TMC1: variants seen among roughly 807,000 people sequenced by gnomAD.
TMC1 encodes transmembrane channel-like protein 1.
A neutral mutation model predicts 105.8 loss-of-function variants in TMC1; 84 were observed. The ratio of observed to expected loss-of-function variants is 0.79; its 90% confidence interval spans 0.67 to 0.95. The LOEUF (loss-of-function observed/expected upper bound fraction) is 0.95, where lower values mean the gene tolerates loss of function less well. Among genes scored for constraint, TMC1 ranks in the 40% least tolerant of loss-of-function variants. The probability of loss-of-function intolerance (pLI) is 0.00; values close to 1 mark genes in which losing one functional copy is unlikely to be tolerated. For synonymous variants in TMC1, 315 were observed against 311.5 expected, an observed-to-expected ratio of 1.01 and a Z score of -0.12; for missense variants, 817 against 914.1, an observed-to-expected ratio of 0.89 and a Z score of 1.37.
intron 4 of TMC1, among the ~76,000 whole-genome samples, chr9:72,631,672 G>T (rs1468554854): frequency 7.2e-5 from 11 of 152,232 alleles, no homozygotes; most frequent in Non-Finnish European, 7.3e-5. Context: ...TACAAAGCAA[G>T]TTGAGGGGGG....
At chr9:72,651,675 A>T (rs1825816728) in intron 5 of TMC1, 1 of 152,234 alleles carries the variant, frequency 6.6e-6, no homozygotes, top group Admixed American at 6.5e-5. Flanking sequence ...GAATGTGGGA[A>T]GATGAGGGAT....
At chr9:72,701,161 G>A (rs1826638972) in intron 8 of TMC1, among the ~76,000 whole-genome samples, 1 of 152,090 alleles carries the variant, frequency 6.6e-6, no homozygotes, top group Non-Finnish European at 1.5e-5. Context: ...AACTTTTCAT[G>A]TGACAGCTTA....
chr9:72,596,124 C>T (rs932197348), intron 2 of TMC1, among the ~76,000 whole-genome samples: 1 of 152,174 alleles, frequency 6.6e-6, no homozygotes, highest in African/African-American at 2.4e-5. Flanking sequence ...ATTTGCCCGC[C>T]TCAGCCTCCC....
At position 72,700,674 on chromosome 9, in the gene TMC1, C is replaced by G. The variant is rs200731851; in HGVS notation, c.362+31C>G. On this transcript the variant is annotated intron_variant, in intron 8 of 23. Transcript: ENST00000297784. ...GTGCCACTTTTTATAAGTAGAAACA[C>G]TTTCCCTGATATTGATTTTCTAAAT... 3.0e-4 allele frequency: 452 copies of G among 1,510,422 alleles called. 2 individuals are homozygous for G. The highest frequency in any genetic ancestry group is 5.6e-4 in the Middle Eastern group (3 of 5,386). The allele number at this position is 1,510,422 out of a possible 1,614,324, so 93.6% of individuals were successfully genotyped here.
intron 10 of TMC1, among the ~76,000 whole-genome samples, chr9:72,749,639 A>G (rs2118048498): frequency 6.6e-6 from 1 of 151,996 alleles, no homozygotes; most frequent in East Asian, 1.9e-4. Context: ...ACCTTATAGA[A>G]CTCTGCACCC....
At chr9:72,705,455 C>T (rs919528702) in intron 8 of TMC1, among the ~76,000 whole-genome samples, 1 of 152,018 alleles carries the variant, frequency 6.6e-6, no homozygotes, top group Non-Finnish European at 1.5e-5. Flanking sequence ...TGCTATCCTC[C>T]AAAGTCAAGC....
At chr9:72,774,419 G>A (rs896310973) in intron 13 of TMC1, among the ~76,000 whole-genome samples, 1 of 152,074 alleles carries the variant, frequency 6.6e-6, no homozygotes, top group Non-Finnish European at 1.5e-5. Flanking sequence ...CTTTCGAAAG[G>A]TATCAAGTCT....
At chr9:72,571,390 C>CTG (rs1426112849) in intron 1 of TMC1, among the ~76,000 whole-genome samples, 4 of 151,232 alleles carry the variant, frequency 2.6e-5, no homozygotes, top group African/African-American at 4.9e-5. Context: ...CTCTCTCTCT[C>CTG]TGTGTTCTAG....
chr9:72,813,267 ATAT>A (rs1044144521), intron 18 of TMC1, among the ~76,000 whole-genome samples: 3 of 152,150 alleles, frequency 2.0e-5, no homozygotes, highest in African/African-American at 4.8e-5. Context: ...AAAATTTAAA[ATAT>A]AATATAACCT....
intron 5 of TMC1, among the ~76,000 whole-genome samples, chr9:72,652,270 G>T (rs1825825659): frequency 6.6e-6 from 1 of 152,148 alleles, no homozygotes; most frequent in African/African-American, 2.4e-5. Context: ...TTGGGATATG[G>T]CTTGATTATT....
chr9:72,814,665 A>C (rs1048819956), intron 18 of TMC1, among the ~76,000 whole-genome samples: 1 of 152,166 alleles, frequency 6.6e-6, no homozygotes, highest in African/African-American at 2.4e-5. Flanking sequence ...TCTTTCCCTG[A>C]ATCTGTTACA....
At chr9:72,545,718 C>G (rs1227627628) in intron 1 of TMC1, among the ~76,000 whole-genome samples, 1 of 152,034 alleles carries the variant, frequency 6.6e-6, no homozygotes, top group African/African-American at 2.4e-5. Flanking sequence ...GAATGCCTGA[C>G]CTCAAGTGAT....
chr9:72,635,801 T>C (rs1825523434), intron 4 of TMC1, among the ~76,000 whole-genome samples: 1 of 152,192 alleles, frequency 6.6e-6, no homozygotes, highest in Non-Finnish European at 1.5e-5. Flanking sequence ...GAGCCTGTCA[T>C]TAGGCATTTC....
Position 72,700,528 on chromosome 9 carries a change from GA to G in TMC1, c.250del (p.Ile84LeufsTer9). 1 of 1,591,800 alleles carries G rather than the reference GA, an allele frequency of 6.3e-7. No individual in the cohort carries two copies. On this transcript the variant is annotated frameshift_variant, in exon 8 of 24. Coordinates refer to ENST00000297784, the MANE Select transcript of TMC1 (RefSeq NM_138691.3). LOFTEE classifies it high-confidence loss of function. ...TTTTTACTTTTAAAGAGAAGAAGAA[GA>G]AATTGATGAAGAGGAATTGGAAAGA... Reference protein sequence around the residue: ...RRLKRGAEEEEIDEEELERLK... With the variant: ...RRLKRGAEEEXIDEEELERLK...
At chr9:72,556,213 T>C (rs12352847) in intron 1 of TMC1, among the ~76,000 whole-genome samples, 61,906 of 150,098 alleles carry the variant, frequency 0.41, 12,892 homozygotes, top group African/African-American at 0.46. Flanking sequence ...GCCTTCTGGG[T>C]TCAAGGGATT....
chr9:72,700,151 A>G (rs1826618199), intron 7 of TMC1, among the ~76,000 whole-genome samples: 1 of 150,684 alleles, frequency 6.6e-6, no homozygotes, highest in African/African-American at 2.4e-5. Flanking sequence ...GCTACTCGGG[A>G]GGCTGAGGTA....
intron 7 of TMC1, among the ~76,000 whole-genome samples, chr9:72,697,731 TA>T (rs1826574588): frequency 6.6e-6 from 1 of 152,114 alleles, no homozygotes; most frequent in South Asian, 2.1e-4. Context: ...TTCAGTAGTG[TA>T]AAGCTTTAAG....
At chr9:72,745,100 T>G (rs1827467511) in intron 10 of TMC1, among the ~76,000 whole-genome samples, 1 of 152,238 alleles carries the variant, frequency 6.6e-6, no homozygotes, top group Non-Finnish European at 1.5e-5. Context: ...TAATGGTGCT[T>G]TGTCTCAACT....
At chr9:72,554,535 TG>T (rs1823900995) in intron 1 of TMC1, among the ~76,000 whole-genome samples, 3 of 152,340 alleles carry the variant, frequency 2.0e-5, no homozygotes, top group Admixed American at 2.0e-4. Context: ...TCTCTCTTCC[TG>T]GTTTCTAGCT....
Sources: gnomAD v4.1 joint callset for allele counts (sites outside exome capture counted in the v4.1 genomes callset) on GRCh38, gnomAD v4.1.1 for gene constraint, MANE v1.5 for transcripts, NCBI Gene and HGNC (gene_info 2026-07-23, HGNC 2026-07-21) for gene names.